The following ARMC8 variants were observed in gnomAD, a reference collection of about 807,000 sequenced individuals.
ARMC8 encodes the protein armadillo repeat-containing protein 8.
Under a neutral mutation model 99.3 loss-of-function variants are expected in ARMC8, and 20 were observed. That is an observed-to-expected ratio of 0.20 (90% CI 0.14 to 0.29). The LOEUF (loss-of-function observed/expected upper bound fraction) is 0.29, where lower values mean the gene tolerates loss of function less well. Among genes scored for constraint, ARMC8 ranks in the 10% least tolerant of loss-of-function variants. ARMC8 has a pLI of 1.00. For synonymous variants in ARMC8, 263 were observed against 278.3 expected (o/e 0.95, Z 0.55); for missense variants, 569 against 809.5 (o/e 0.70, Z 3.60).
intron 12 of ARMC8, chr3:138,245,970 T>C (rs1470444610): frequency 2.0e-6 from 2 of 985,264 alleles, no homozygotes; most frequent in East Asian, 2.3e-4. Context: ...TGAGGAGCCA[T>C]AGCAGAAAGA....
chr3:138,278,084 G>T (rs1324390951), intron 18 of ARMC8, among the ~76,000 whole-genome samples: 1 of 152,168 alleles, frequency 6.6e-6, no homozygotes, highest in Non-Finnish European at 1.5e-5. Flanking sequence ...CAAATCAAAG[G>T]TATCCAAGCC....
chr3:138,198,668 A>G, intron 1 of ARMC8, among the ~76,000 whole-genome samples: 1 of 151,886 alleles, frequency 6.6e-6, no homozygotes, highest in East Asian at 1.9e-4. Context: ...GCGTGCCACC[A>G]CACCCAGCTA....
intron 1 of ARMC8, among the ~76,000 whole-genome samples, chr3:138,199,429 A>T (rs575076521): frequency 2.0e-5 from 3 of 152,334 alleles, no homozygotes; most frequent in African/African-American, 4.8e-5. Context: ...TAAGAAGGAC[A>T]TGATAGCTGT....
At chr3:138,264,247 TCA>T in intron 14 of ARMC8, 35 bp downstream of exon 14, 1 of 1,556,844 alleles carries the variant, frequency 6.4e-7, no homozygotes, top group Middle Eastern at 1.7e-4. Flanking sequence ...ACAGCTGTAC[TCA>T]CAGACCCTAG....
chr3:138,263,492 G>A, intron 12 of ARMC8: 2 of 507,076 alleles, frequency 3.9e-6, no homozygotes, highest in East Asian at 6.9e-5. Context: ...TGTGTTAAAT[G>A]TCTTTAAAAA....
At chr3:138,253,656 C>T (rs2047246240) in intron 12 of ARMC8, among the ~76,000 whole-genome samples, 1 of 152,228 alleles carries the variant, frequency 6.6e-6, no homozygotes, top group Non-Finnish European at 1.5e-5. Context: ...ATTTCTCTCA[C>T]ATAGCTTTTG....
chr3:138,225,598 A>G (rs369159433), intron 5 of ARMC8, among the ~76,000 whole-genome samples: 1 of 152,176 alleles, frequency 6.6e-6, no homozygotes, highest in African/African-American at 2.4e-5. Context: ...ATGTGTATGT[A>G]TGTATGTGTA....
At chr3:138,252,741 A>ACACCCC (rs2047187195) in intron 12 of ARMC8, among the ~76,000 whole-genome samples, 1 of 2,582 alleles carries the variant, frequency 3.9e-4, no homozygotes, top group Non-Finnish European at 1.2e-3. Context: ...GGCGTGAGCC[A>ACACCCC]CCCCGCCCCC....
intron 12 of ARMC8, among the ~76,000 whole-genome samples, chr3:138,260,908 TAC>T (rs2047681244): frequency 1.3e-5 from 2 of 152,232 alleles, no homozygotes; most frequent in Admixed American, 6.5e-5. Context: ...CTATATCCAG[TAC>T]AGGCAGTTGT....
At chr3:138,216,145 C>T (rs2045027092) in intron 2 of ARMC8, among the ~76,000 whole-genome samples, 1 of 151,392 alleles carries the variant, frequency 6.6e-6, no homozygotes, top group African/African-American at 2.4e-5. Flanking sequence ...CCTCGGACTT[C>T]CAAAGTGCTG....
intron 6 of ARMC8, among the ~76,000 whole-genome samples, chr3:138,231,846 A>G (rs897726546): frequency 4.0e-5 from 6 of 151,640 alleles, no homozygotes; most frequent in African/African-American, 1.5e-4. Flanking sequence ...CTGCCTCACT[A>G]ACCACCAGGT....
intron 14 of ARMC8, among the ~76,000 whole-genome samples, chr3:138,264,612 G>T (rs988038111): frequency 1.3e-5 from 2 of 151,358 alleles, no homozygotes; most frequent in African/African-American, 4.8e-5. Flanking sequence ...TAGAGGCGGG[G>T]TTTCACCATA....
chr3:138,252,619 A>C (rs2047177531), intron 12 of ARMC8, among the ~76,000 whole-genome samples: 1 of 149,874 alleles, frequency 6.7e-6, no homozygotes, highest in Admixed American at 6.8e-5. Flanking sequence ...ACGCCTGGCT[A>C]ATTTTTTGTA....
chr3:138,260,947 T>G (rs1279292024), intron 12 of ARMC8, among the ~76,000 whole-genome samples: 2 of 152,216 alleles, frequency 1.3e-5, no homozygotes, highest in Non-Finnish European at 2.9e-5. Context: ...CTTCTCATTC[T>G]TAAGTAAAAA....
At chr3:138,267,385 TGC>T in intron 15 of ARMC8, 144 bp downstream of exon 15, 1 of 491,690 alleles carries the variant, frequency 2.0e-6, no homozygotes, top group Non-Finnish European at 3.6e-6. Flanking sequence ...GGTAGGGGTG[TGC>T]AAATAAATCA....
At chr3:138,201,370 T>A (rs971031965) in intron 1 of ARMC8, among the ~76,000 whole-genome samples, 6 of 151,164 alleles carry the variant, frequency 4.0e-5, no homozygotes, top group Admixed American at 2.6e-4. Context: ...TCTCAAACAC[T>A]TTTTTGCTTT....
chr3:138,231,572 A>G (rs555562731), intron 6 of ARMC8, among the ~76,000 whole-genome samples: 6 of 152,274 alleles, frequency 3.9e-5, no homozygotes, highest in South Asian at 2.1e-4. Context: ...AACTGTTGCT[A>G]TTTCTTAAGT....
chr3:138,191,486 T>C (rs554930738), intron 1 of ARMC8, among the ~76,000 whole-genome samples: 1 of 152,338 alleles, frequency 6.6e-6, no homozygotes, highest in East Asian at 1.9e-4. Context: ...AGTTACATTA[T>C]AGTATCAAAA....
chr3:138,223,810 C>T, intron 5 of ARMC8, 77 bp downstream of exon 5: 2 of 1,199,726 alleles, frequency 1.7e-6, no homozygotes, highest in South Asian at 2.5e-5. Context: ...CATCTTCAGA[C>T]TCATCATAAC....
Sources: allele counts gnomAD v4.1 joint callset (sites outside exome capture counted in the v4.1 genomes callset), GRCh38; gene constraint gnomAD v4.1.1; transcripts MANE v1.5; gene names NCBI Gene and HGNC (gene_info 2026-07-23, HGNC 2026-07-21).